Variants in GATA4 observed in about 807,000 individuals in gnomAD.
GATA4 encodes the protein GATA binding protein 4, also known as transcription factor GATA-4.
In GATA4, 7 loss-of-function variants were observed where a neutral mutation model predicts 37.9. That is an observed-to-expected ratio of 0.18 (90% CI 0.11 to 0.35). GATA4 has a LOEUF of 0.35. Ranked by LOEUF, GATA4 falls within the 10% of genes least tolerant of loss-of-function variation. The probability of loss-of-function intolerance (pLI) is 1.00; values close to 1 mark genes in which losing one functional copy is unlikely to be tolerated. For missense variants in GATA4, 647 were observed against 653.0 expected (o/e 0.99, Z 0.10); for synonymous variants, 372 against 292.6 (o/e 1.27, Z -2.77).
rs1800046949 is a variant in GATA4 at position 11,709,128 on chromosome 8, G to A, written c.616+200G>A. ...CCCAGAAGACCGGCTTCTGTGGAAG[G>A]GGCCGGGCCTGCCCGCCGGGGCCTC... On this transcript the variant is annotated intron_variant, in intron 2 of 6. Transcript: ENST00000532059. The surrounding 1 kb of genome is among the most constrained non-coding windows in gnomAD (Gnocchi z 4.3). 6.6e-6 allele frequency among the ~76,000 whole-genome samples: 1 copy of A among 152,124 alleles called. No homozygotes were observed. Among genetic ancestry groups the A allele is most frequent in the African/African-American group, 2.4e-5 (1 of 41,442 alleles).
At chr8:11,734,345 C>G (rs1801347412) in intron 2 of GATA4, among the ~76,000 whole-genome samples, 1 of 152,190 alleles carries the variant, frequency 6.6e-6, no homozygotes, top group South Asian at 2.1e-4. Context: ...GCTTATTTCT[C>G]AAAGTTCTGG....
chr8:11,709,142 C>T lies in GATA4; in HGVS notation c.616+214C>T, dbSNP rs1405863695. 6.6e-6 allele frequency among the ~76,000 whole-genome samples: 1 copy of T among 152,302 alleles called. No individual in the cohort carries two copies. Among genetic ancestry groups the T allele is most frequent in the East Asian group, 1.9e-4 (1 of 5,150 alleles). ...TTCTGTGGAAGGGGCCGGGCCTGCC[C>T]GCCGGGGCCTCTTCTGAGATGGTGT... is the stretch of plus-strand genomic sequence containing the variant. On this transcript the variant is annotated intron_variant, in intron 2 of 6. Coordinates refer to ENST00000532059, the MANE Select transcript of GATA4 (RefSeq NM_001308093.3). The surrounding 1 kb of genome is among the most constrained non-coding windows in gnomAD (Gnocchi z 4.3).
chr8:11,692,705 C>T (rs1034670418), intron 1 of GATA4: 167 of 984,746 alleles, frequency 1.7e-4, no homozygotes, highest in Non-Finnish European at 1.9e-4. Context: ...GCTGCTCCGT[C>T]GGGAGGCTGG....
At chr8:11,727,137 C>T (rs775179583) in intron 2 of GATA4, among the ~76,000 whole-genome samples, 5 of 152,182 alleles carry the variant, frequency 3.3e-5, no homozygotes, top group African/African-American at 1.2e-4. Context: ...CGTTTAAAGG[C>T]GGTAAGTGCC....
At chr8:11,717,334 C>T (rs1461827641) in intron 2 of GATA4, among the ~76,000 whole-genome samples, 2 of 152,192 alleles carry the variant, frequency 1.3e-5, no homozygotes, top group African/African-American at 2.4e-5. Context: ...CGAGAGTAGC[C>T]TGTATCTTGC....
chr8:11,697,253 C>A (rs1258293736), intron 1 of GATA4, among the ~76,000 whole-genome samples: 1 of 152,240 alleles, frequency 6.6e-6, no homozygotes, highest in African/African-American at 2.4e-5. Context: ...GTCAAACACA[C>A]GCACAGGACT....
chr8:11,679,708 A>G (rs1426753595), intron 1 of GATA4, among the ~76,000 whole-genome samples: 1 of 152,174 alleles, frequency 6.6e-6, no homozygotes, highest in Non-Finnish European at 1.5e-5. Flanking sequence ...GAACAGTCCT[A>G]GCCCTGCACT....
At chr8:11,677,542 C>T (rs1261499915) in intron 1 of GATA4, among the ~76,000 whole-genome samples, 1 of 152,286 alleles carries the variant, frequency 6.6e-6, no homozygotes, top group East Asian at 1.9e-4. Context: ...CCCCTGGGGT[C>T]CCCCGCAGCC....
intron 2 of GATA4, among the ~76,000 whole-genome samples, chr8:11,716,223 T>A (rs942326120): frequency 3.3e-5 from 5 of 152,192 alleles, no homozygotes; most frequent in African/African-American, 1.2e-4. Flanking sequence ...GTGACTATAT[T>A]ACCTAATTTT....
At chr8:11,731,283 C>T (rs566248455) in intron 2 of GATA4, among the ~76,000 whole-genome samples, 2 of 152,252 alleles carry the variant, frequency 1.3e-5, no homozygotes, top group South Asian at 4.1e-4. Flanking sequence ...AAAATGAGCG[C>T]ATTATTGATT....
intron 5 of GATA4, chr8:11,756,365 G>A: frequency 5.9e-6 from 1 of 169,216 alleles, no homozygotes; most frequent in Non-Finnish European, 1.3e-5. Context: ...CCCTACTGCT[G>A]ACGAGTCCCC....
intron 1 of GATA4, among the ~76,000 whole-genome samples, chr8:11,695,974 T>G (rs1799496854): frequency 6.6e-6 from 1 of 152,204 alleles, no homozygotes; most frequent in African/African-American, 2.4e-5. Flanking sequence ...TAGAAATCAC[T>G]TTTCTAACAT....
upstream of GATA4, among the ~76,000 whole-genome samples, chr8:11,689,615 C>CT (rs1388252669): frequency 1.7e-4 from 26 of 152,226 alleles, no homozygotes; most frequent in African/African-American, 5.5e-4. Context: ...TATCCCCACT[C>CT]TAAGTAGTGC....
upstream of GATA4, among the ~76,000 whole-genome samples, chr8:11,702,004 T>C (rs1025997060): frequency 7.2e-5 from 11 of 152,188 alleles, no homozygotes; most frequent in Non-Finnish European, 1.3e-4. The surrounding 1 kb of genome is among the most constrained non-coding windows in gnomAD (Gnocchi z 4.4). Flanking sequence ...CAGCCTGTTA[T>C]AGCCCCACCA....
chr8:11,751,778 C>A (rs550925072), intron 4 of GATA4, among the ~76,000 whole-genome samples: 1 of 152,252 alleles, frequency 6.6e-6, no homozygotes, highest in South Asian at 2.1e-4. Context: ...CTAGTTTGCC[C>A]ATATACTTGG....
At chr8:11,703,371 C>T (rs1799751572), upstream of GATA4, among the ~76,000 whole-genome samples, 1 of 152,156 alleles carries the variant, frequency 6.6e-6, no homozygotes, top group Admixed American at 6.5e-5. Context: ...GGCTCTGACG[C>T]CGACTCCCAA....
chr8:11,736,345 C>T (rs1228730169), intron 2 of GATA4, among the ~76,000 whole-genome samples: 1 of 152,238 alleles, frequency 6.6e-6, no homozygotes, highest in Non-Finnish European at 1.5e-5. Context: ...ATCATCTGTT[C>T]CAACTACTGC....
chr8:11,693,746 C>T (rs1245020258), intron 1 of GATA4, among the ~76,000 whole-genome samples: 2 of 152,146 alleles, frequency 1.3e-5, no homozygotes, highest in African/African-American at 2.4e-5. Context: ...ACTCCCAGCC[C>T]TTGTGCCCTC....
intron 2 of GATA4, among the ~76,000 whole-genome samples, chr8:11,745,858 T>C (rs1189562789): frequency 6.6e-6 from 1 of 152,162 alleles, no homozygotes; most frequent in Non-Finnish European, 1.5e-5. Context: ...AGTAACACAA[T>C]GTGGGGGAAA....
Sources: allele counts gnomAD v4.1 joint callset (sites outside exome capture counted in the v4.1 genomes callset), GRCh38; gene constraint gnomAD v4.1.1; non-coding constraint Gnocchi (gnomAD v3.1); transcripts MANE v1.5; gene names NCBI Gene and HGNC (gene_info 2026-07-23, HGNC 2026-07-21).